Variants in VWA2 observed in about 807,000 individuals in gnomAD.
VWA2 encodes von Willebrand factor A domain-containing protein 2.
Under a neutral mutation model 70.4 loss-of-function variants are expected in VWA2, and 73 were observed. That is an observed-to-expected ratio of 1.04 (90% CI 0.86 to 1.26). VWA2 has a LOEUF of 1.26. Among genes scored for constraint, VWA2 ranks in the 50% most tolerant of loss-of-function variants. VWA2 has a pLI of 0.00. For synonymous variants in VWA2, 407 were observed against 423.3 expected (o/e 0.96, Z 0.47); for missense variants, 1,011 against 998.5 (o/e 1.01, Z -0.17).
chr10:114,259,911 G>A (rs2037407908), intron 4 of VWA2, among the ~76,000 whole-genome samples: 1 of 152,180 alleles, frequency 6.6e-6, no homozygotes, highest in Admixed American at 6.5e-5. Flanking sequence ...CATCCTGCCT[G>A]CAAAAAGGAA....
intron 8 of VWA2, among the ~76,000 whole-genome samples, chr10:114,282,242 G>T (rs1272215139): frequency 1.3e-5 from 2 of 152,010 alleles, no homozygotes; most frequent in East Asian, 3.9e-4. Flanking sequence ...GACCTCAAGT[G>T]ATTTGCCTAC....
intron 11 of VWA2, 48 bp from the exon 12 acceptor site, chr10:114,288,890 C>T: frequency 6.4e-7 from 1 of 1,559,846 alleles, no homozygotes; most frequent in Non-Finnish European, 8.7e-7. Context: ...CGTCGAGGGG[C>T]TCTGACTGGC....
Position 114,253,716 on chromosome 10 carries a change from G to T in VWA2, c.118G>T (p.Ala40Ser). ...AGAAACCATCGGGAAGATTTCAGCT[G>T]CCAGCAAAAGTAAGCCCAGGTTCTT... The part of the protein sequence containing the change: ...SKETIGKISA[A>S]SKMMWCSAAV... Residue 40 changes from alanine (A) to serine (S), a missense_variant, in exon 3 of 14, where the codon GCC becomes TCC. Coordinates refer to ENST00000392982, the MANE Select transcript of VWA2 (RefSeq NM_001272046.2). 1.2e-6 allele frequency: 2 copies of T among 1,612,256 alleles called. No individual in the cohort carries two copies. Among genetic ancestry groups the T allele is most frequent in the Non-Finnish European group, 1.7e-6 (2 of 1,179,720 alleles).
intron 4 of VWA2, among the ~76,000 whole-genome samples, chr10:114,259,488 G>A (rs544099191): frequency 2.8e-5 from 4 of 143,464 alleles, no homozygotes; most frequent in Non-Finnish European, 6.1e-5. Context: ...TTTTTTTCAT[G>A]TGGTCACATT....
At chr10:114,266,975 ATTAT>A (rs1281017625) in intron 5 of VWA2, among the ~76,000 whole-genome samples, 3 of 152,010 alleles carry the variant, frequency 2.0e-5, no homozygotes, top group African/African-American at 7.2e-5. Context: ...GTTTTTAATG[ATTAT>A]TTAATAATCC....
rs35723083 is a variant in VWA2, at chr10:114,263,328, AT to A, written c.371+2057del. Among the ~76,000 whole-genome samples the A allele has an allele frequency of 8.6e-3, 657 of 76,124 alleles. 3 individuals carry two copies. Among genetic ancestry groups the A allele is most frequent in the African/African-American group, 0.02 (366 of 18,122 alleles). The allele number at this position is 76,124 out of a possible 152,430, so 49.9% of individuals were successfully genotyped here. On this transcript the variant is annotated intron_variant, in intron 5 of 13. Transcript: ENST00000392982. Reference sequence around the variant, plus strand: ...CTGTGCCCAGCCAGGAATCTCCCCCATTTTTTTTTTTTTTTTTTTTTTTTGT... The same window carrying A: ...CTGTGCCCAGCCAGGAATCTCCCCCATTTTTTTTTTTTTTTTTTTTTTTGT...
rs1199281271 is a variant in VWA2 at position 114,243,082 on chromosome 10, C to A, written c.-11+3513C>A. ...TCAGGGCTAATCCCAGTGTCCCATA[C>A]AGTGAAATCGGGTTGTGTACAATTT... On this transcript the variant is annotated intron_variant, in intron 1 of 13. Transcript: ENST00000392982. Among the ~76,000 whole-genome samples, 5 of 152,290 alleles carry A rather than the reference C, an allele frequency of 3.3e-5. No homozygotes were observed. The East Asian group carries it at 9.7e-4, about 29-fold the overall frequency.
chr10:114,284,170 C>G (rs901902434), intron 9 of VWA2, among the ~76,000 whole-genome samples: 1 of 152,244 alleles, frequency 6.6e-6, no homozygotes, highest in Non-Finnish European at 1.5e-5. Context: ...TTGACACAGG[C>G]TGTGGTTTCC....
intron 4 of VWA2, among the ~76,000 whole-genome samples, chr10:114,260,482 G>A (rs371998797): frequency 2.6e-5 from 4 of 152,192 alleles, no homozygotes; most frequent in Admixed American, 6.5e-5. Flanking sequence ...CAGGTCTGGC[G>A]GGGCTGACCA....
rs1250677823 is a variant in VWA2 at position 114,290,233 on chromosome 10, A to G, written c.2123-7A>G. 3 of 1,550,188 alleles carry G rather than the reference A, an allele frequency of 1.9e-6. No homozygotes were observed. In the African/African-American group the frequency reaches 4.1e-5, roughly 21 times the overall value. On this transcript the variant is annotated splice_polypyrimidine_tract_variant and splice_region_variant and intron_variant, in intron 12 of 13. Transcript: ENST00000392982. ...CGGCCTGGTGGGTATGGTGTTCTCC[A>G]TTGTAGAAGCCAAGCAGCCAGTCAA...
At chr10:114,272,594 T>A (rs1210583699) in intron 5 of VWA2, 146 bp from the exon 6 acceptor site, 1 of 680,626 alleles carries the variant, frequency 1.5e-6, no homozygotes, top group African/African-American at 1.8e-5. Flanking sequence ...GTGGTTTAGA[T>A]GGTAGAACTA....
chr10:114,282,687 A>C, intron 9 of VWA2, 116 bp downstream of exon 9: 1 of 859,998 alleles, frequency 1.2e-6, no homozygotes, highest in South Asian at 1.4e-5. Flanking sequence ...GCTCCAGGGC[A>C]GAGGGATGGG....
intron 9 of VWA2, 129 bp from the exon 10 acceptor site, chr10:114,284,734 G>A (rs1485357647): frequency 4.9e-6 from 4 of 808,734 alleles, no homozygotes; most frequent in Non-Finnish European, 5.8e-6. Context: ...ATTTCCTGGT[G>A]GACTGTGGGG....
intron 6 of VWA2, among the ~76,000 whole-genome samples, chr10:114,274,658 AC>A (rs2037786016): frequency 6.8e-6 from 1 of 147,506 alleles, no homozygotes; most frequent in African/African-American, 2.5e-5. Flanking sequence ...ACACCTGGCT[AC>A]TTTTTTTTTT....
In VWA2 at chr10:114,288,924, G is replaced by C. The variant is rs1455398958; in HGVS notation, c.1571-14G>C. 1 of 1,588,328 alleles carries C rather than the reference G, an allele frequency of 6.3e-7. No homozygotes were observed. Among genetic ancestry groups the C allele is most frequent in the Non-Finnish European group, 8.6e-7 (1 of 1,165,190 alleles). ...GCACATCCACTGCTGAAGCCCCTCT[G>C]CTTGCTCCTGCAGGGTGCCGGACAC... On this transcript the variant is annotated splice_polypyrimidine_tract_variant and intron_variant, in intron 11 of 13. Transcript: ENST00000392982.
intron 7 of VWA2, among the ~76,000 whole-genome samples, chr10:114,278,369 GAGGCTTT>G (rs2037901644): frequency 6.6e-6 from 1 of 152,180 alleles, no homozygotes; most frequent in Non-Finnish European, 1.5e-5. Flanking sequence ...GGAGCACAAG[GAGGCTTT>G]GTGCTTGGTG....
chr10:114,240,857 G>C (rs2036963705), intron 1 of VWA2, among the ~76,000 whole-genome samples: 1 of 152,152 alleles, frequency 6.6e-6, no homozygotes. Flanking sequence ...CTCAGACTAG[G>C]TCCCCAGGCA....
chr10:114,285,992 T>C lies in VWA2; in HGVS notation c.1051T>C (p.Ser351Pro), dbSNP rs1232086412. The change falls in exon 11 of 14, where the codon TCT becomes CCT. Residue 351 changes from serine (S) to proline (P), a missense_variant. Physicochemically the swap from Ser to Pro is moderately conservative, Grantham distance 74 (BLOSUM62 -1). Transcript: ENST00000392982. ...RVDLLFLLDS[S>P]AGTTLDGFLR... Reference sequence around the variant, plus strand: ...CGACCTCCTCTTCCTGCTGGACAGCTCTGCGGGCACCACTCTGGACGGCTT... The same window carrying C: ...CGACCTCCTCTTCCTGCTGGACAGCCCTGCGGGCACCACTCTGGACGGCTT... The C allele has an allele frequency of 3.1e-6, 5 of 1,613,564 alleles. No individual in the cohort carries two copies. Among genetic ancestry groups the C allele is most frequent in the Non-Finnish European group, 4.2e-6 (5 of 1,179,746 alleles).
intron 5 of VWA2, among the ~76,000 whole-genome samples, chr10:114,266,023 C>T (rs1476173994): frequency 2.0e-5 from 3 of 152,138 alleles, no homozygotes; most frequent in Admixed American, 6.6e-5. Context: ...TTTGGCCGGG[C>T]GCGGTGGCTC....
Sources: gnomAD v4.1 joint callset for allele counts (sites outside exome capture counted in the v4.1 genomes callset) on GRCh38, gnomAD v4.1.1 for gene constraint, MANE v1.5 for transcripts, NCBI Gene and HGNC (gene_info 2026-07-23, HGNC 2026-07-21) for gene names.